Variants in LAMB4 observed in about 807,000 individuals in gnomAD.
The protein encoded by LAMB4 is laminin subunit beta 4, also known as laminin subunit beta-4.
Under a neutral mutation model 199.2 loss-of-function variants are expected in LAMB4, and 196 were observed. That is an observed-to-expected ratio of 0.98 (90% CI 0.88 to 1.11). The LOEUF (loss-of-function observed/expected upper bound fraction) is 1.11. Ranked by LOEUF, LAMB4 falls within the 50% of genes least tolerant of loss-of-function variation. The pLI, the probability that LAMB4 is intolerant of heterozygous loss-of-function variation, is 0.00. For missense variants in LAMB4, 2,080 were observed against 2,171.2 expected, an observed-to-expected ratio of 0.96 and a Z score of 0.83; for synonymous variants, 744 against 770.6, an observed-to-expected ratio of 0.97 and a Z score of 0.57.
downstream of LAMB4, among the ~76,000 whole-genome samples, chr7:108,020,072 C>T (rs771016533): frequency 4.6e-5 from 7 of 152,138 alleles, no homozygotes; most frequent in Non-Finnish European, 8.8e-5. Flanking sequence ...TGACTCCTCC[C>T]CTCACTTATC....
chr7:108,118,751 C>CA (rs951497336), intron 2 of LAMB4, among the ~76,000 whole-genome samples: 100 of 142,220 alleles, frequency 7.0e-4, no homozygotes, highest in South Asian at 1.6e-3. Context: ...TTAGAATTGC[C>CA]AAAAAAAAAA....
chr7:108,091,902 T>C (rs571358365), intron 13 of LAMB4, 126 bp from the exon 14 acceptor site: 215 of 900,012 alleles, frequency 2.4e-4, no homozygotes, highest in Admixed American at 7.0e-4. Flanking sequence ...TCAATGGTCC[T>C]GTGGGAAGAT....
Position 108,102,409 on chromosome 7 carries a change from A to T in LAMB4, c.1180+635T>A, listed in dbSNP as rs1358465822. ...ATGTGAAAGAGTGAAAAAAATCATG[A>T]TAATGCAAAATATATGAGTTTACCA... On this transcript the variant is annotated intron_variant, in intron 10 of 33. Transcript: ENST00000388781. 3.3e-5 allele frequency among the ~76,000 whole-genome samples: 5 copies of T among 152,282 alleles called. No individual in the cohort carries two copies. The East Asian group carries it at 9.7e-4, about 29-fold the overall frequency.
chr7:108,046,002 T>C (rs1406054216), intron 28 of LAMB4, among the ~76,000 whole-genome samples: 1 of 152,112 alleles, frequency 6.6e-6, no homozygotes, highest in Non-Finnish European at 1.5e-5. Flanking sequence ...CCCTCTATCC[T>C]TTACTGGATT....
intron 10 of LAMB4, among the ~76,000 whole-genome samples, chr7:108,101,376 G>A (rs912471387): frequency 3.9e-5 from 6 of 152,142 alleles, no homozygotes; most frequent in African/African-American, 1.4e-4. Context: ...CAAGTTCACT[G>A]TTCCTCAGCT....
At position 108,066,493 on chromosome 7, in the gene LAMB4, C is replaced by T. The variant is rs1299138422; in HGVS notation, c.2554G>A (p.Ala852Thr). 1.2e-6 allele frequency: 2 copies of T among 1,613,990 alleles called. No individual in the cohort carries two copies. The highest frequency in any genetic ancestry group is 1.7e-6 in the Non-Finnish European group (2 of 1,180,004). ...VSGRRCDRCL[A>T]GYFGFPSCHP... ...CAGCTGGGAAATCCAAAGTAGCCTG[C>T]CAGGCAGCGATCACAGCGGCGGCCA... The change falls in exon 20 of 34, where the codon GCA becomes ACA. Residue 852 changes from alanine (A) to threonine (T), a missense_variant. Coordinates refer to ENST00000388781, the MANE Select transcript of LAMB4 (RefSeq NM_007356.3).
chr7:108,119,453 G>A (rs2038523289), intron 2 of LAMB4, among the ~76,000 whole-genome samples: 1 of 152,192 alleles, frequency 6.6e-6, no homozygotes, highest in Admixed American at 6.5e-5. Flanking sequence ...AAAAAAAGTA[G>A]TGAACCATTG....
rs376458283 is a variant in LAMB4, at chr7:108,066,514, G to A, written c.2533C>T (p.Arg845Cys). The A allele has an allele frequency of 4.6e-5, 75 of 1,613,900 alleles. No individual in the cohort carries two copies. The East Asian group carries it at 7.1e-4, about 15-fold the overall frequency. The stretch of plus-strand genomic sequence containing the variant: ...CCTGCCAGGCAGCGATCACAGCGGC[G>A]GCCAGACACCTCTCCATGGCAGGGG... ...QCPCHGEVSG[R>C]RCDRCLAGYF... The change falls in exon 20 of 34, where the codon CGC becomes TGC. Residue 845 changes from arginine to cysteine, a missense_variant. Physicochemically the swap from Arg to Cys is radical, Grantham distance 180 (BLOSUM62 -3). Transcript: ENST00000388781.
intron 6 of LAMB4, 79 bp downstream of exon 6, chr7:108,107,552 C>T (rs760697297): frequency 1.3e-5 from 15 of 1,152,734 alleles, no homozygotes; most frequent in Middle Eastern, 2.0e-4. Context: ...TAAACACTAT[C>T]GAAAGTTTTT....
chr7:108,080,621 G>A (rs972849137), intron 14 of LAMB4, among the ~76,000 whole-genome samples: 1 of 152,086 alleles, frequency 6.6e-6, no homozygotes, highest in African/African-American at 2.4e-5. Context: ...CCCTTCATTT[G>A]ATAAATGTTT....
intron 11 of LAMB4, among the ~76,000 whole-genome samples, chr7:108,096,413 A>T (rs2037598843): frequency 6.6e-6 from 1 of 152,164 alleles, no homozygotes; most frequent in South Asian, 2.1e-4. Context: ...CCATCAGTGG[A>T]TACTTGGGTT....
chr7:108,078,045 A>C (rs2036771789), intron 16 of LAMB4, among the ~76,000 whole-genome samples, 156 bp downstream of exon 16: 1 of 152,234 alleles, frequency 6.6e-6, no homozygotes, highest in Admixed American at 6.5e-5. Flanking sequence ...GTGATATTAA[A>C]TGTAAAGCAT....
chr7:108,078,371 G>C, intron 15 of LAMB4, 55 bp from the exon 16 acceptor site: 1 of 1,089,340 alleles, frequency 9.2e-7, no homozygotes, highest in Non-Finnish European at 1.4e-6. Flanking sequence ...AAAATGTTTT[G>C]CACGTACACA....
intron 20 of LAMB4, among the ~76,000 whole-genome samples, 193 bp downstream of exon 20, chr7:108,066,176 T>C (rs2036333794): frequency 6.6e-6 from 1 of 152,144 alleles, no homozygotes. Flanking sequence ...CAAATGTGTG[T>C]TATTGATTTA....
At chr7:108,073,290 G>A (rs1277284689) in intron 17 of LAMB4, among the ~76,000 whole-genome samples, 1 of 152,238 alleles carries the variant, frequency 6.6e-6, no homozygotes, top group African/African-American at 2.4e-5. Context: ...ACAGGCGTAA[G>A]CCACCGCGCC....
intron 24 of LAMB4, 52 bp downstream of exon 24, chr7:108,057,780 G>T: frequency 8.5e-7 from 1 of 1,178,640 alleles, no homozygotes; most frequent in South Asian, 1.2e-5. Flanking sequence ...GCATGTCCAT[G>T]GTAGGGCCAG....
chr7:108,044,153 A>C (rs2035536696), intron 28 of LAMB4: 3 of 302,248 alleles, frequency 9.9e-6, no homozygotes, highest in Non-Finnish European at 1.8e-5. Flanking sequence ...AATTTTTCTA[A>C]TATAAGTCTA....
At chr7:108,032,786 C>A (rs1260277575) in intron 31 of LAMB4, among the ~76,000 whole-genome samples, 1 of 151,656 alleles carries the variant, frequency 6.6e-6, no homozygotes, top group East Asian at 1.9e-4. Context: ...CAGTTCTATG[C>A]AAGAATCTTG....
the LAMB4 span, among the ~76,000 whole-genome samples, chr7:108,012,878 T>C: frequency 6.6e-6 from 1 of 152,242 alleles, no homozygotes. Context: ...GAATGCCTTC[T>C]CCTTCTCTGC....
Sources: gnomAD v4.1 joint callset for allele counts (sites outside exome capture counted in the v4.1 genomes callset) on GRCh38, gnomAD v4.1.1 for gene constraint, MANE v1.5 for transcripts, NCBI Gene and HGNC (gene_info 2026-07-23, HGNC 2026-07-21) for gene names.